Variants in MIAT observed in about 807,000 individuals in gnomAD.
MIAT encodes myocardial infarction associated transcript.
chr22:26,657,380 G>T (rs921605794), intron 2 of MIAT: 2 of 397,106 alleles, frequency 5.0e-6, no homozygotes, highest in African/African-American at 4.1e-5. Flanking sequence ...GTGTGAGGTT[G>T]TAGGGGCGCA....
intron 2 of MIAT, among the ~76,000 whole-genome samples, chr22:26,654,937 C>T (rs2145999472): frequency 6.6e-6 from 1 of 152,272 alleles, no homozygotes; most frequent in East Asian, 1.9e-4. Context: ...TGGTCTCGAT[C>T]TCCTGACCTC....
At chr22:26,674,252 A>T (rs1277761106), downstream of MIAT, 1 of 398,536 alleles carries the variant, frequency 2.5e-6, no homozygotes, top group Non-Finnish European at 4.4e-6. Flanking sequence ...ATTTAGCTGC[A>T]CCGAGGAAAC....
chr22:26,667,459 G>A (rs1342474696), intron 5 of MIAT: 2 of 394,116 alleles, frequency 5.1e-6, no homozygotes, highest in African/African-American at 4.1e-5. Flanking sequence ...GGGGGTGGTG[G>A]TGTGCAGAGA....
At chr22:26,666,675 C>T (rs1429660099) in exon 4 of MIAT, 2 of 398,478 alleles carry the variant, frequency 5.0e-6, no homozygotes, top group African/African-American at 2.1e-5. Context: ...GAACCCTTCT[C>T]CCCTCACCTT....
At chr22:26,666,046 T>G (rs1930834121) in exon 4 of MIAT, 6 of 398,642 alleles carry the variant, frequency 1.5e-5, no homozygotes, top group Non-Finnish European at 2.7e-5. Context: ...GAGTTAACAC[T>G]GTGACTTTAG....
chr22:26,671,990 T>C, downstream of MIAT: 1 of 398,888 alleles, frequency 2.5e-6, no homozygotes, highest in East Asian at 3.6e-5. Context: ...ACATTCTTCC[T>C]CCGTCTCAGC....
At chr22:26,648,098 C>T (rs866101369) in intron 2 of MIAT, among the ~76,000 whole-genome samples, 13 of 152,186 alleles carry the variant, frequency 8.5e-5, no homozygotes, top group African/African-American at 2.7e-4. Flanking sequence ...GGAAGGCAGC[C>T]GCTGTGCTGG....
At chr22:26,672,863 T>C (rs1316541248), downstream of MIAT, 2 of 398,442 alleles carry the variant, frequency 5.0e-6, no homozygotes, top group Non-Finnish European at 8.8e-6. Flanking sequence ...TTTCTCATAT[T>C]TGAAGGCCGG....
exon 5 of MIAT, chr22:26,675,856 C>G: frequency 2.5e-6 from 1 of 398,638 alleles, no homozygotes; most frequent in Non-Finnish European, 4.4e-6. Context: ...AAAAATATGC[C>G]TTGGTGGGTA....
chr22:26,669,607 T>C (rs1335068513), exon 6 of MIAT: 3 of 398,564 alleles, frequency 7.5e-6, no homozygotes, highest in African/African-American at 4.1e-5. Flanking sequence ...CTTCAACATA[T>C]GCATTTGGGG....
intron 3 of MIAT, chr22:26,665,527 A>G (rs1297317108): frequency 5.0e-6 from 2 of 398,558 alleles, no homozygotes; most frequent in East Asian, 3.6e-5. Context: ...GGGTCTATTT[A>G]CAGAGAGCAG....
intron 2 of MIAT, chr22:26,647,440 A>T (rs2145995769): frequency 5.1e-6 from 2 of 394,614 alleles, no homozygotes; most frequent in East Asian, 7.2e-5. Context: ...TGTACAACAG[A>T]AAAGCAAATG....
At chr22:26,671,860 A>G (rs2146019886), downstream of MIAT, 4 of 397,710 alleles carry the variant, frequency 1.0e-5, no homozygotes, top group East Asian at 1.4e-4. Flanking sequence ...GGATGGAGGA[A>G]GGCCCCTCAA....
intron 2 of MIAT, among the ~76,000 whole-genome samples, chr22:26,655,591 T>C (rs1467143509): frequency 6.6e-6 from 1 of 152,218 alleles, no homozygotes; most frequent in Non-Finnish European, 1.5e-5. Context: ...CTCTACTTTA[T>C]GGACAAGTAA....
At chr22:26,649,297 C>G (rs982463197) in intron 2 of MIAT, among the ~76,000 whole-genome samples, 2 of 152,192 alleles carry the variant, frequency 1.3e-5, no homozygotes, top group Non-Finnish European at 2.9e-5. Context: ...TGTCTGACTC[C>G]TGAGTCCATG....
chr22:26,662,485 TCCA>T (rs1930710637), intron 2 of MIAT, among the ~76,000 whole-genome samples: 2 of 152,344 alleles, frequency 1.3e-5, no homozygotes, highest in South Asian at 4.1e-4. Flanking sequence ...TTCCTCTCTC[TCCA>T]CTGCAGGGGT....
exon 1 of MIAT, chr22:26,646,891 G>A (rs1930243848): frequency 2.5e-6 from 1 of 398,496 alleles, no homozygotes; most frequent in South Asian, 1.3e-4. Context: ...AGGTAGATAG[G>A]ATCAAGGTGA....
intron 3 of MIAT, chr22:26,663,531 C>G (rs1602363472): frequency 2.5e-6 from 1 of 393,026 alleles, no homozygotes; most frequent in Admixed American, 4.4e-5. Flanking sequence ...TTCTGATGAC[C>G]CTCTGGGTTC....
At chr22:26,654,865 C>A (rs772721177) in intron 2 of MIAT, among the ~76,000 whole-genome samples, 18 of 152,116 alleles carry the variant, frequency 1.2e-4, no homozygotes, top group Non-Finnish European at 2.1e-4. Context: ...GTGCCTACCA[C>A]CATGCCCGGC....
Sources: gnomAD v4.1 joint callset for allele counts (sites outside exome capture counted in the v4.1 genomes callset) on GRCh38, gnomAD v4.1.1 for gene constraint, MANE v1.5 for transcripts, NCBI Gene and HGNC (gene_info 2026-07-23, HGNC 2026-07-21) for gene names.